CWC27: variants seen among roughly 807,000 people sequenced by gnomAD.
CWC27 encodes the protein spliceosome-associated protein CWC27 homolog.
In CWC27, 47 loss-of-function variants were observed where a neutral mutation model predicts 63.6. The observed-to-expected ratio is 0.74, with a 90% confidence interval of 0.58 to 0.94. The LOEUF is 0.94. Ranked by LOEUF, CWC27 falls within the 40% of genes least tolerant of loss-of-function variation. The probability of loss-of-function intolerance (pLI) is 0.00; values close to 1 mark genes in which losing one functional copy is unlikely to be tolerated. For missense variants in CWC27, 495 were observed against 554.3 expected (o/e 0.89, Z 1.07); for synonymous variants, 175 against 179.8 (o/e 0.97, Z 0.22).
chr5:64,954,463 T>C (rs748594009), intron 11 of CWC27, among the ~76,000 whole-genome samples: 1 of 151,806 alleles, frequency 6.6e-6, no homozygotes. Flanking sequence ...TAAAATTTTT[T>C]TAAAGACATG....
chr5:64,895,345 G>T (rs997586091), intron 11 of CWC27, among the ~76,000 whole-genome samples: 1 of 150,860 alleles, frequency 6.6e-6, no homozygotes, highest in East Asian at 2.0e-4. Context: ...CCAGAACACA[G>T]AAAATTCATA....
chr5:64,860,706 A>G (rs1263896332), intron 10 of CWC27, among the ~76,000 whole-genome samples: 2 of 152,212 alleles, frequency 1.3e-5, no homozygotes, highest in Admixed American at 6.5e-5. Context: ...TTTTAAAGTT[A>G]TACTGTAAAC....
chr5:65,004,491 TCA>T (rs1457336841), intron 13 of CWC27, among the ~76,000 whole-genome samples: 2 of 150,694 alleles, frequency 1.3e-5, no homozygotes, highest in Non-Finnish European at 3.0e-5. Flanking sequence ...GTTGAAGCTC[TCA>T]GTTTTTTTGT....
intron 11 of CWC27, among the ~76,000 whole-genome samples, chr5:64,941,648 A>G (rs1172452394): frequency 6.6e-6 from 1 of 152,114 alleles, no homozygotes; most frequent in Non-Finnish European, 1.5e-5. Flanking sequence ...TATTTTCTGA[A>G]CATATGTGTA....
intron 10 of CWC27, among the ~76,000 whole-genome samples, chr5:64,853,590 T>C (rs927198407): frequency 6.6e-5 from 10 of 152,356 alleles, no homozygotes; most frequent in African/African-American, 2.4e-4. Context: ...CTTACAGTTC[T>C]GTAGGCTGTA....
In CWC27 at chr5:64,900,358, C is replaced by A. The variant is rs181083536; in HGVS notation, c.1042+14812C>A. Reference sequence around the variant, plus strand: ...TGCTTATTTGTCATCCGTATATATTCTTTGGTGCAGTATATATTCAACTCT... The same window carrying A: ...TGCTTATTTGTCATCCGTATATATTATTTGGTGCAGTATATATTCAACTCT... On this transcript the variant is annotated intron_variant, in intron 11 of 13. Coordinates refer to ENST00000381070, the MANE Select transcript of CWC27 (RefSeq NM_005869.4). Among the ~76,000 whole-genome samples the A allele has an allele frequency of 2.6e-3, 399 of 152,218 alleles. 4 individuals are homozygous for A. The highest frequency in any genetic ancestry group is 9.2e-3 in the African/African-American group (382 of 41,554).
intron 13 of CWC27, among the ~76,000 whole-genome samples, chr5:65,016,347 AAT>A (rs754953303): frequency 3.9e-5 from 6 of 152,144 alleles, no homozygotes; most frequent in Non-Finnish European, 8.8e-5. Context: ...TATCATTAAT[AAT>A]ATAGTTCTAA....
intron 1 of CWC27, chr5:64,773,824 G>A (rs1387818500): frequency 1.3e-5 from 2 of 152,100 alleles, no homozygotes; most frequent in African/African-American, 4.8e-5. Context: ...CAAAGTTTCT[G>A]GTTCTACCAA....
At chr5:64,887,033 C>G (rs1370167600) in intron 11 of CWC27, among the ~76,000 whole-genome samples, 1 of 151,892 alleles carries the variant, frequency 6.6e-6, no homozygotes, top group Non-Finnish European at 1.5e-5. Flanking sequence ...GATCTTTCAA[C>G]TAGAAAGAAT....
chr5:64,838,758 G>GT (rs1406193143), intron 10 of CWC27, among the ~76,000 whole-genome samples: 2 of 152,170 alleles, frequency 1.3e-5, no homozygotes, highest in African/African-American at 4.8e-5. Context: ...GAGTAACCCA[G>GT]TAAGCTCTTG....
chr5:64,874,317 A>G (rs1392308124), intron 10 of CWC27, among the ~76,000 whole-genome samples: 1 of 151,168 alleles, frequency 6.6e-6, no homozygotes, highest in Non-Finnish European at 1.5e-5. Context: ...ATGTGCCACC[A>G]TGCCTGGCTA....
At chr5:64,967,533 A>C (rs1028015776) in intron 11 of CWC27, among the ~76,000 whole-genome samples, 3 of 151,960 alleles carry the variant, frequency 2.0e-5, no homozygotes, top group Non-Finnish European at 4.4e-5. Flanking sequence ...ACTTACTATA[A>C]ACCTGCAGTA....
chr5:64,807,827 T>C (rs1744742232), intron 10 of CWC27: 1 of 1,531,952 alleles, frequency 6.5e-7, no homozygotes, highest in Non-Finnish European at 8.7e-7. Context: ...CTTCAACCCG[T>C]ATTTCTTTCT....
At chr5:64,778,038 C>T (rs1743522186) in intron 2 of CWC27, among the ~76,000 whole-genome samples, 1 of 152,080 alleles carries the variant, frequency 6.6e-6, no homozygotes, top group South Asian at 2.1e-4. Flanking sequence ...AAGCCAGCAT[C>T]ACTGAAATAC....
chr5:64,931,393 C>T (rs1748234163), intron 11 of CWC27, among the ~76,000 whole-genome samples: 1 of 151,774 alleles, frequency 6.6e-6, no homozygotes, highest in Non-Finnish European at 1.5e-5. Context: ...TTTAACTTTT[C>T]TGTAAGTTTA....
intron 11 of CWC27, among the ~76,000 whole-genome samples, chr5:64,910,215 G>A (rs943234860): frequency 6.6e-6 from 1 of 152,218 alleles, no homozygotes; most frequent in African/African-American, 2.4e-5. Context: ...GGAGTTTGCT[G>A]GAGGTCCACT....
intron 10 of CWC27, among the ~76,000 whole-genome samples, chr5:64,858,463 A>AAAT (rs199882585): frequency 0.059 from 8,618 of 146,520 alleles, 312 homozygotes; most frequent in Non-Finnish European, 0.076. Context: ...CTCCATCTCA[A>AAAT]AATAATAATA....
intron 11 of CWC27, among the ~76,000 whole-genome samples, chr5:64,911,788 A>G (rs1747790160): frequency 6.6e-6 from 1 of 152,212 alleles, no homozygotes; most frequent in Non-Finnish European, 1.5e-5. Context: ...GAAAGTAGAC[A>G]GACCGGCTGG....
At chr5:64,991,865 A>C (rs1749542766) in intron 13 of CWC27, among the ~76,000 whole-genome samples, 1 of 152,258 alleles carries the variant, frequency 6.6e-6, no homozygotes, top group Non-Finnish European at 1.5e-5. Context: ...GAATTACCTT[A>C]ATGTGAGGTC....
Sources: allele counts gnomAD v4.1 joint callset (sites outside exome capture counted in the v4.1 genomes callset), GRCh38; gene constraint gnomAD v4.1.1; transcripts MANE v1.5; gene names NCBI Gene and HGNC (gene_info 2026-07-23, HGNC 2026-07-21).